The following E2F6 variants were observed in gnomAD, a reference collection of about 807,000 sequenced individuals.
E2F6 encodes the protein E2F transcription factor 6, also known as transcription factor E2F6.
A neutral mutation model predicts 31.5 loss-of-function variants in E2F6; 19 were observed. The ratio of observed to expected loss-of-function variants is 0.60; its 90% CI spans 0.42 to 0.89. The LOEUF (loss-of-function observed/expected upper bound fraction) is 0.89, where lower values mean the gene tolerates loss of function less well. E2F6 is among the 40% of genes least tolerant of loss of function. The probability of loss-of-function intolerance (pLI) is 0.00; values close to 1 mark genes in which losing one functional copy is unlikely to be tolerated. For missense variants in E2F6, 269 were observed against 341.6 expected (o/e 0.79, Z 1.67); for synonymous variants, 121 against 127.7 (o/e 0.95, Z 0.36).
intron 5 of E2F6, among the ~76,000 whole-genome samples, chr2:11,449,807 CT>C (rs1670947878): frequency 1.3e-5 from 2 of 152,302 alleles, no homozygotes; most frequent in Admixed American, 6.5e-5. Flanking sequence ...TCTTTGTGAG[CT>C]TTTGGTTCCT....
chr2:11,450,425 C>G lies in E2F6; in HGVS notation c.537-299G>C, dbSNP rs560833186. On this transcript the variant is annotated intron_variant, in intron 4 of 6. Transcript: ENST00000381525. ...TTCTGGAGAAAAATATTAATAAAGT[C>G]TGAGTCCCTAACACAAATACACCAC... is the stretch of plus-strand genomic sequence containing the variant. Among the ~76,000 whole-genome samples, 4 of 152,250 alleles carry G rather than the reference C, an allele frequency of 2.6e-5. 1 individual carries two copies. The South Asian group carries it at 8.3e-4, about 32-fold the overall frequency.
intron 5 of E2F6, among the ~76,000 whole-genome samples, chr2:11,449,366 C>A (rs1670920168): frequency 6.6e-6 from 1 of 152,194 alleles, no homozygotes; most frequent in African/African-American, 2.4e-5. Context: ...GAGGGCTGCA[C>A]TGTGAGCACC....
At position 11,465,916 on chromosome 2, in the gene E2F6, A is replaced by T. The variant is rs1259856284; in HGVS notation, c.-37T>A. On this transcript the variant is annotated 5_prime_UTR_variant, in exon 1 of 7. Transcript: ENST00000381525. ...GGGCGTCCTGCTCCCCTCGCACCCC[A>T]CGAGCTCTCCCGCCCTCTCGCGCTC... The T allele has an allele frequency of 1.3e-6, 2 of 1,489,184 alleles. No individual in the cohort carries two copies. The highest frequency in any genetic ancestry group is 5.2e-5 in the East Asian group (2 of 38,822). 92.2% of individuals were successfully genotyped at this position (1,489,184 alleles called of 1,614,324 possible). A position where few individuals can be genotyped will look rare whatever the true frequency, so the allele number is the denominator to read the frequency against.
intron 2 of E2F6, among the ~76,000 whole-genome samples, chr2:11,456,514 T>C (rs1012497795): frequency 6.6e-6 from 1 of 152,182 alleles, no homozygotes; most frequent in African/African-American, 2.4e-5. Flanking sequence ...TGGGCCTTTA[T>C]AAAGTAAGAA....
At chr2:11,451,037 G>A (rs948911309) in intron 4 of E2F6, among the ~76,000 whole-genome samples, 30 of 152,016 alleles carry the variant, frequency 2.0e-4, no homozygotes, top group African/African-American at 6.8e-4. Context: ...GCAACAACGC[G>A]CTTCTGTGGA....
chr2:11,452,600 T>A (rs1214809486), intron 3 of E2F6, among the ~76,000 whole-genome samples: 3 of 149,884 alleles, frequency 2.0e-5, no homozygotes, highest in African/African-American at 4.9e-5. Flanking sequence ...CAAGACCCCG[T>A]CTCAAAAGAA....
Position 11,466,153 on chromosome 2 carries a change from C to T in E2F6, c.-274G>A. The T allele has an allele frequency of 2.4e-6, 1 of 418,134 alleles. No individual in the cohort carries two copies. Among genetic ancestry groups the T allele is most frequent in the South Asian group, 3.5e-5 (1 of 28,578 alleles). The allele number at this position is 418,134 out of a possible 1,614,324, so 25.9% of individuals were successfully genotyped here. A position where few individuals can be genotyped will look rare whatever the true frequency, so the allele number is the denominator to read the frequency against. ...CCGGCCCGCCATCTTCCCGCATGCGCAGTACACCGCCCCCCTCTGCGCATG... is the reference window on the plus strand; with the variant it reads ...CCGGCCCGCCATCTTCCCGCATGCGTAGTACACCGCCCCCCTCTGCGCATG... On this transcript the variant is annotated 5_prime_UTR_variant, in exon 1 of 7. Transcript: ENST00000381525.
chr2:11,464,299 G>A (rs965220836), intron 1 of E2F6, among the ~76,000 whole-genome samples: 31 of 151,978 alleles, frequency 2.0e-4, no homozygotes, highest in African/African-American at 7.5e-4. Context: ...TGGATCACGA[G>A]GTCAGGAGAT....
Position 11,450,267 on chromosome 2 carries a change from TAAAA to T in E2F6, c.537-145_537-142del, listed in dbSNP as rs374830196. On this transcript the variant is annotated intron_variant, in intron 4 of 6. Coordinates refer to ENST00000381525, the MANE Select transcript of E2F6 (RefSeq NM_198256.4). Reference sequence around the variant, plus strand: ...ACAAGTTCACCATTAAGGAAAGCAGTAAAAAAAAAAAAAATTCATTGATAATCTT... The same window carrying T: ...ACAAGTTCACCATTAAGGAAAGCAGTAAAAAAAAAATTCATTGATAATCTT... The T allele has an allele frequency of 1.2e-4, 39 of 322,280 alleles. No homozygotes were observed. The East Asian group carries it at 1.6e-3, about 13-fold the overall frequency. The allele number at this position is 322,280 out of a possible 1,614,324, so 20.0% of individuals were successfully genotyped here.
intron 5 of E2F6, among the ~76,000 whole-genome samples, chr2:11,448,508 T>G (rs1670863245): frequency 1.3e-5 from 2 of 152,204 alleles, no homozygotes; most frequent in Admixed American, 6.5e-5. Flanking sequence ...CACCTCATTG[T>G]GATCTTATAC....
intron 2 of E2F6, among the ~76,000 whole-genome samples, chr2:11,456,244 G>T (rs1671396640): frequency 6.6e-6 from 1 of 152,164 alleles, no homozygotes; most frequent in Non-Finnish European, 1.5e-5. Context: ...GTAAAAGAGC[G>T]TCACTGAAGA....
intron 1 of E2F6, among the ~76,000 whole-genome samples, chr2:11,459,644 C>T (rs1435018574): frequency 1.3e-5 from 2 of 151,476 alleles, no homozygotes; most frequent in Middle Eastern, 3.2e-3. Context: ...CTTTGGGAGG[C>T]GGGGTGGGGG....
intron 1 of E2F6, among the ~76,000 whole-genome samples, chr2:11,463,092 C>T (rs913756850): frequency 6.6e-6 from 1 of 152,218 alleles, no homozygotes; most frequent in Non-Finnish European, 1.5e-5. Context: ...GGTTTTTCCA[C>T]AGTGAGCTTA....
intron 3 of E2F6, among the ~76,000 whole-genome samples, chr2:11,452,798 G>A (rs1057321735): frequency 3.9e-5 from 6 of 152,230 alleles, no homozygotes; most frequent in Middle Eastern, 3.4e-3. Context: ...AATGCATGCC[G>A]ATATAAACTC....
At position 11,458,415 on chromosome 2, in the gene E2F6, T is replaced by C. The variant is rs368263786; in HGVS notation, c.109-1182A>G. Reference sequence around the variant, plus strand: ...GGAAATGAACAAAGGTGTGAAGATGTATATGGCATGGCATGTTTCTGGGAA... The same window carrying C: ...GGAAATGAACAAAGGTGTGAAGATGCATATGGCATGGCATGTTTCTGGGAA... On this transcript the variant is annotated intron_variant, in intron 1 of 6. Transcript: ENST00000381525. 9.1e-5 allele frequency: 138 copies of C among 1,510,674 alleles called. 1 individual carries two copies. In the African/African-American group the frequency reaches 1.6e-3, roughly 17 times the overall value. 93.6% of individuals were successfully genotyped at this position (1,510,674 alleles called of 1,614,324 possible).
At chr2:11,464,192 T>C (rs1422241303) in intron 1 of E2F6, among the ~76,000 whole-genome samples, 3 of 151,910 alleles carry the variant, frequency 2.0e-5, no homozygotes, top group Non-Finnish European at 4.4e-5. Flanking sequence ...CAGCAGTGGG[T>C]TGGCTGGTAA....
In E2F6 at chr2:11,451,825, G is replaced by T; in HGVS notation, c.381-19C>A. The T allele has an allele frequency of 1.9e-6, 3 of 1,599,648 alleles. No homozygotes were observed. Among genetic ancestry groups the T allele is most frequent in the Middle Eastern group, 1.7e-4 (1 of 6,030 alleles). On this transcript the variant is annotated intron_variant, in intron 3 of 6. Transcript: ENST00000381525. ...AGATCCTCTTTAGAAGAAAAAAAATGTCAGCATCAATACCAACTAGGAGAT... is the reference window on the plus strand; with the variant it reads ...AGATCCTCTTTAGAAGAAAAAAAATTTCAGCATCAATACCAACTAGGAGAT...
At chr2:11,454,688 ATTAAT>A (rs993132947) in intron 2 of E2F6, among the ~76,000 whole-genome samples, 45 of 151,836 alleles carry the variant, frequency 3.0e-4, no homozygotes, top group African/African-American at 1.0e-3. Context: ...ACTACCCTAT[ATTAAT>A]TTAACAGATA....
At chr2:11,455,827 C>CGAT (rs201576104) in intron 2 of E2F6, among the ~76,000 whole-genome samples, 1,527 of 152,194 alleles carry the variant, frequency 0.01, 4 homozygotes, top group Middle Eastern at 0.031. Context: ...CAAAGTCACC[C>CGAT]GATGGCAAGA....
Sources: gnomAD v4.1 joint callset for allele counts (sites outside exome capture counted in the v4.1 genomes callset) on GRCh38, gnomAD v4.1.1 for gene constraint, MANE v1.5 for transcripts, NCBI Gene and HGNC (gene_info 2026-07-23, HGNC 2026-07-21) for gene names.